Variants in BTNL8 observed in about 807,000 individuals in gnomAD.
The protein encoded by BTNL8 is butyrophilin-like protein 8.
BTNL8 carries 22 observed loss-of-function variants against 36.1 expected under a neutral mutation model. The observed-to-expected ratio is 0.61, with a 90% confidence interval of 0.44 to 0.87. The LOEUF is 0.87. BTNL8 is among the 40% of genes least tolerant of loss of function. BTNL8 has a pLI of 0.00. For missense variants in BTNL8, 526 were observed against 616.9 expected (o/e 0.85, Z 1.56); for synonymous variants, 203 against 235.6 (o/e 0.86, Z 1.27).
intron 3 of BTNL8, among the ~76,000 whole-genome samples, chr5:180,927,334 A>T (rs913323461): frequency 1.3e-5 from 2 of 152,242 alleles, no homozygotes; most frequent in African/African-American, 4.8e-5. Flanking sequence ...GGTCACCAAC[A>T]TCAAAAACCA....
chr5:180,950,187 G>GAC lies in BTNL8; in HGVS notation c.1147_1148insCA (p.Asn383ThrfsTer10), dbSNP rs1561950850. 6.8e-7 allele frequency: 1 copy of GAC among 1,463,288 alleles called. No homozygotes were observed. The highest frequency in any genetic ancestry group is 9.4e-7 in the Non-Finnish European group (1 of 1,058,972). The allele number at this position is 1,463,288 out of a possible 1,614,324, so 90.6% of individuals were successfully genotyped here. On this transcript the variant is annotated frameshift_variant, in exon 8 of 8. Transcript: ENST00000340184. LOFTEE classifies it low-confidence loss of function (END_TRUNC). ...ATCATGGGTACTGGGTCCTCAGACT[G>GAC]AATGGAGAACATTTGTATTTCACAT...
chr5:180,920,897 C>A (rs370595004), intron 3 of BTNL8, among the ~76,000 whole-genome samples: 7 of 152,080 alleles, frequency 4.6e-5, no homozygotes, highest in South Asian at 4.1e-4. Context: ...GGAGAGATCA[C>A]CTCATACTTG....
chr5:180,930,809 A>G (rs1164409408), intron 3 of BTNL8, among the ~76,000 whole-genome samples: 1 of 152,220 alleles, frequency 6.6e-6, no homozygotes, highest in African/African-American at 2.4e-5. Flanking sequence ...AGGAAATAAG[A>G]GAGGACACAA....
intron 3 of BTNL8, among the ~76,000 whole-genome samples, chr5:180,923,477 G>T (rs1403795536): frequency 1.3e-5 from 2 of 151,978 alleles, no homozygotes; most frequent in Non-Finnish European, 2.9e-5. Flanking sequence ...AGAAATAAAA[G>T]AAAACCTTTT....
At chr5:180,913,912 A>G (rs1038779355) in intron 3 of BTNL8, among the ~76,000 whole-genome samples, 19 of 152,250 alleles carry the variant, frequency 1.2e-4, no homozygotes, top group Non-Finnish European at 1.8e-4. Flanking sequence ...CAGTAAGAAT[A>G]TAGAATACTT....
Position 180,943,230 on chromosome 5 carries a change from G to T in BTNL8, c.674-4282G>T, listed in dbSNP as rs183953829. Among the ~76,000 whole-genome samples, 1,279 of 151,048 alleles carry T rather than the reference G, an allele frequency of 8.5e-3. 22 individuals are homozygous for T. The highest frequency in any genetic ancestry group is 0.03 in the African/African-American group (1,226 of 40,930). Reference sequence around the variant, plus strand: ...GCTCACTACAACCTCAGCTTCCTGGGTTCAAGTGATTCTCCTGCCTCAGCC... The same window carrying T: ...GCTCACTACAACCTCAGCTTCCTGGTTTCAAGTGATTCTCCTGCCTCAGCC... On this transcript the variant is annotated intron_variant, in intron 3 of 7. Coordinates refer to ENST00000340184, the MANE Select transcript of BTNL8 (RefSeq NM_001040462.3).
intron 3 of BTNL8, among the ~76,000 whole-genome samples, chr5:180,931,776 T>G (rs1758396669): frequency 6.6e-6 from 1 of 152,184 alleles, no homozygotes; most frequent in Non-Finnish European, 1.5e-5. Context: ...TTGTGCCAGT[T>G]AGAATGGTGA....
At chr5:180,906,684 T>C (rs1414595378) in intron 1 of BTNL8, among the ~76,000 whole-genome samples, 4 of 116,656 alleles carry the variant, frequency 3.4e-5, no homozygotes, top group African/African-American at 4.5e-5. Context: ...CCATGTTTAG[T>C]GCTTCCTTCA....
intron 3 of BTNL8, among the ~76,000 whole-genome samples, chr5:180,940,346 A>G (rs1198694153): frequency 1.3e-5 from 2 of 150,404 alleles, no homozygotes; most frequent in Non-Finnish European, 3.0e-5. Context: ...CTCAGAGGAA[A>G]AAAAAAAAAA....
chr5:180,911,228 T>C, intron 2 of BTNL8, 111 bp from the exon 3 acceptor site: 1 of 1,485,118 alleles, frequency 6.7e-7, no homozygotes, highest in Non-Finnish European at 9.1e-7. Context: ...TTAGTGTTTG[T>C]GTGTGTAAGA....
At chr5:180,899,685 C>G (rs965159588) in intron 1 of BTNL8, among the ~76,000 whole-genome samples, 1 of 152,136 alleles carries the variant, frequency 6.6e-6, no homozygotes, top group Non-Finnish European at 1.5e-5. Context: ...GGATGTCCAT[C>G]TGGGAAGAGA....
chr5:180,948,138 G>A (rs923838678), intron 4 of BTNL8: 4 of 721,592 alleles, frequency 5.5e-6, no homozygotes, highest in African/African-American at 1.8e-5. Context: ...CATCCCAGCT[G>A]TTGTCCCTCT....
At chr5:180,902,815 AT>A (rs1233406347) in intron 1 of BTNL8, among the ~76,000 whole-genome samples, 1 of 141,498 alleles carries the variant, frequency 7.1e-6, no homozygotes, top group East Asian at 2.0e-4. Flanking sequence ...GAGAATGATG[AT>A]TTCTAATTTC....
rs539201549 is a variant in BTNL8 at position 180,935,531 on chromosome 5, G to A, written c.674-11981G>A. Among the ~76,000 whole-genome samples the A allele has an allele frequency of 7.9e-5, 12 of 152,250 alleles. No individual in the cohort carries two copies. Among genetic ancestry groups the A allele is most frequent in the African/African-American group, 2.9e-4 (12 of 41,464 alleles). On this transcript the variant is annotated intron_variant, in intron 3 of 7. Transcript: ENST00000340184. The surrounding 1 kb of genome is among the most constrained non-coding windows in gnomAD (Gnocchi z 4.8). ...GGCTACAACTTTGCTTTGCACTGGA[G>A]TGGACACCAGGAGCAGGGAGAGGGT...
intron 1 of BTNL8, 29 bp from the exon 2 acceptor site, chr5:180,908,557 T>A: frequency 6.2e-7 from 1 of 1,605,926 alleles, no homozygotes; most frequent in Non-Finnish European, 8.5e-7. Context: ...AGGGTTTTGA[T>A]GATTTATCTT....
intron 3 of BTNL8, among the ~76,000 whole-genome samples, chr5:180,918,927 C>A (rs1757756787): frequency 6.6e-6 from 1 of 151,944 alleles, no homozygotes; most frequent in Non-Finnish European, 1.5e-5. Context: ...AAGTGGCGAC[C>A]CTTAGAGGCA....
At chr5:180,904,708 CT>C (rs1292469930) in intron 1 of BTNL8, among the ~76,000 whole-genome samples, 1 of 130,366 alleles carries the variant, frequency 7.7e-6, no homozygotes, top group Non-Finnish European at 1.6e-5. Context: ...CCATCAATAC[CT>C]AATTTATTGA....
In BTNL8 at chr5:180,947,578, T is replaced by G. The variant is rs750351235; in HGVS notation, c.740T>G (p.Leu247Arg). The part of the protein sequence containing the change: ...TKVLGILCCG[L>R]FFGIVGLKIF... ...GTACTGGGAATACTCTGCTGTGGCCTATTTTTTGGCATTGTTGGACTGAAG... is the reference window on the plus strand; with the variant it reads ...GTACTGGGAATACTCTGCTGTGGCCGATTTTTTGGCATTGTTGGACTGAAG... Residue 247 changes from leucine (L) to arginine (R), a missense_variant, in exon 4 of 8, where the codon CTA becomes CGA. Physicochemically the swap from Leu to Arg is moderately radical, Grantham distance 102. Around this residue, in one of 2 missense-constraint regions of BTNL8, gnomAD observed 350 missense variants for 324.6 expected, o/e 1.08. Coordinates refer to ENST00000340184, the MANE Select transcript of BTNL8 (RefSeq NM_001040462.3). The G allele has an allele frequency of 6.2e-7, 1 of 1,614,206 alleles. No homozygotes were observed. The highest frequency in any genetic ancestry group is 1.1e-5 in the South Asian group (1 of 91,082).
rs202167671 is a variant in BTNL8 at position 180,907,036 on chromosome 5, G to A, written c.50-1550G>A. 1.0e-4 allele frequency among the ~76,000 whole-genome samples: 10 copies of A among 99,064 alleles called. 2 individuals carry two copies. Among genetic ancestry groups the A allele is most frequent in the South Asian group, 2.8e-4 (1 of 3,620 alleles). 65.0% of individuals were successfully genotyped at this position (99,064 alleles called of 152,430 possible). ...TCTTCTCGAGGAGTATCTTTGTGGCGTTCTCTGTATTTCCTGAATCTGAAC... is the reference window on the plus strand; with the variant it reads ...TCTTCTCGAGGAGTATCTTTGTGGCATTCTCTGTATTTCCTGAATCTGAAC... On this transcript the variant is annotated intron_variant, in intron 1 of 7. Transcript: ENST00000340184.
Sources: allele counts gnomAD v4.1 joint callset (sites outside exome capture counted in the v4.1 genomes callset), GRCh38; gene constraint gnomAD v4.1.1; regional missense constraint gnomAD v4.1.1; non-coding constraint Gnocchi (gnomAD v3.1); transcripts MANE v1.5; gene names NCBI Gene and HGNC (gene_info 2026-07-23, HGNC 2026-07-21).